The following KCTD3 variants were observed in gnomAD, a reference collection of about 807,000 sequenced individuals.
KCTD3 encodes the protein BTB/POZ domain-containing protein KCTD3.
In KCTD3, 41 loss-of-function variants were observed where a neutral mutation model predicts 85.8. That is an observed-to-expected ratio of 0.48 (90% CI 0.37 to 0.62). The LOEUF (loss-of-function observed/expected upper bound fraction) is 0.62, where lower values mean the gene tolerates loss of function less well. Ranked by LOEUF, KCTD3 falls within the 20% of genes least tolerant of loss-of-function variation. The pLI is 0.00. For synonymous variants in KCTD3, 338 were observed against 345.4 expected, an observed-to-expected ratio of 0.98 and a Z score of 0.24; for missense variants, 724 against 989.9, an observed-to-expected ratio of 0.73 and a Z score of 3.60.
chr1:215,573,486 TG>T (rs1385465658), intron 1 of KCTD3, among the ~76,000 whole-genome samples: 1 of 152,086 alleles, frequency 6.6e-6, no homozygotes, highest in Non-Finnish European at 1.5e-5. Flanking sequence ...AGTTGAGACT[TG>T]GTGTGATGGG....
intron 10 of KCTD3, among the ~76,000 whole-genome samples, chr1:215,601,062 C>T (rs1364358022): frequency 5.9e-5 from 9 of 152,086 alleles, no homozygotes; most frequent in South Asian, 4.1e-4. Flanking sequence ...CTCAGCCTCC[C>T]GAGCAGCCGG....
chr1:215,585,749 G>A (rs1483074689), intron 8 of KCTD3, among the ~76,000 whole-genome samples: 1 of 152,082 alleles, frequency 6.6e-6, no homozygotes, highest in Non-Finnish European at 1.5e-5. Context: ...AATTCAGATA[G>A]GGCAGAAAGA....
At chr1:215,581,517 G>C (rs1438525733) in intron 8 of KCTD3, among the ~76,000 whole-genome samples, 2 of 152,130 alleles carry the variant, frequency 1.3e-5, no homozygotes, top group Non-Finnish European at 2.9e-5. Flanking sequence ...GAAATGATAA[G>C]TGATCCAAGT....
At position 215,574,102 on chromosome 1, in the gene KCTD3, G is replaced by A. The variant is rs756673299; in HGVS notation, c.167G>A (p.Arg56Gln). The stretch of plus-strand genomic sequence containing the variant: ...CTGAGTGGGAGAATTTCAACACTTC[G>A]AGATGAAACTGGTGCTGTGAGTATA... Reference protein sequence around the residue: ...SLLSGRISTLRDETGAIFIDR... With the variant: ...SLLSGRISTLQDETGAIFIDR... Residue 56 changes from arginine (R) to glutamine (Q), a missense_variant, in exon 3 of 18, where the codon CGA becomes CAA. Physicochemically the swap from Arg to Gln is conservative, Grantham distance 43. Around this residue, in one of 6 missense-constraint regions of KCTD3, gnomAD observed 97 missense variants for 115.7 expected, o/e 0.84. Transcript: ENST00000259154. 4.5e-5 allele frequency: 72 copies of A among 1,583,946 alleles called. No homozygotes were observed. The highest frequency in any genetic ancestry group is 5.9e-5 in the Non-Finnish European group (68 of 1,159,120).
At chr1:215,614,443 A>G (rs1655356510) in intron 15 of KCTD3, among the ~76,000 whole-genome samples, 1 of 152,196 alleles carries the variant, frequency 6.6e-6, no homozygotes, top group Non-Finnish European at 1.5e-5. Flanking sequence ...AATTCTTTCT[A>G]TCCATGGTCA....
intron 10 of KCTD3, 110 bp downstream of exon 10, chr1:215,595,581 A>AT: frequency 1.5e-6 from 1 of 651,436 alleles, no homozygotes; most frequent in Non-Finnish European, 2.6e-6. Flanking sequence ...GGTTATACAA[A>AT]TATTGAATAA....
chr1:215,620,800 G>A lies in KCTD3; in HGVS notation c.*182G>A. The A allele has an allele frequency of 2.0e-6, 1 of 507,976 alleles. No homozygotes were observed. Among genetic ancestry groups the A allele is most frequent in the Non-Finnish European group, 3.4e-6 (1 of 294,532 alleles). The allele number at this position is 507,976 out of a possible 1,614,324, so 31.5% of individuals were successfully genotyped here. On this transcript the variant is annotated 3_prime_UTR_variant, in exon 18 of 18. Transcript: ENST00000259154. ...ATAATCATATCTCTTTTGACATTTTGGAAATTTTTTTAATTTTACAAGTAC... is the reference window on the plus strand; with the variant it reads ...ATAATCATATCTCTTTTGACATTTTAGAAATTTTTTTAATTTTACAAGTAC...
chr1:215,568,197 G>A (rs940484696), intron 1 of KCTD3, among the ~76,000 whole-genome samples: 8 of 152,120 alleles, frequency 5.3e-5, no homozygotes, highest in Non-Finnish European at 7.4e-5. Flanking sequence ...ACGAGGTGTC[G>A]GTTTTCTTAG....
At chr1:215,602,268 A>AC in intron 12 of KCTD3, 67 bp downstream of exon 12, 1 of 773,006 alleles carries the variant, frequency 1.3e-6, no homozygotes, top group Non-Finnish European at 2.2e-6. Context: ...TTATTATGTG[A>AC]CTAGGTCAAA....
intron 1 of KCTD3, among the ~76,000 whole-genome samples, chr1:215,569,526 T>C (rs1371897102): frequency 1.3e-5 from 2 of 151,984 alleles, no homozygotes; most frequent in African/African-American, 4.8e-5. Flanking sequence ...CTGAGTGAAC[T>C]CTTATTAGAG....
At chr1:215,573,956 T>G in intron 2 of KCTD3, 117 bp downstream of exon 2, 1 of 974,938 alleles carries the variant, frequency 1.0e-6, no homozygotes, top group South Asian at 1.8e-5. Flanking sequence ...TTATATATTT[T>G]TGAACTTGGA....
chr1:215,588,878 C>T (rs1660116938), intron 9 of KCTD3, among the ~76,000 whole-genome samples: 1 of 152,284 alleles, frequency 6.6e-6, no homozygotes, highest in African/African-American at 2.4e-5. Context: ...TGAAGAGTTA[C>T]TGTATTATTG....
At chr1:215,602,721 T>C (rs1160526794) in intron 12 of KCTD3, among the ~76,000 whole-genome samples, 1 of 152,164 alleles carries the variant, frequency 6.6e-6, no homozygotes, top group Non-Finnish European at 1.5e-5. Context: ...TTTTGTATTC[T>C]GGAGTAAAAG....
At chr1:215,586,434 G>T (rs2102570042) in intron 8 of KCTD3, 61 bp from the exon 9 acceptor site, 1 of 1,307,972 alleles carries the variant, frequency 7.6e-7, no homozygotes, top group Non-Finnish European at 1.1e-6. Flanking sequence ...GTGCATTGAT[G>T]TGTATTCCGT....
intron 13 of KCTD3, 60 bp downstream of exon 13, chr1:215,604,362 G>T: frequency 1.5e-6 from 2 of 1,314,652 alleles, no homozygotes; most frequent in Non-Finnish European, 2.1e-6. Context: ...TTCATTAAAA[G>T]AATGAAAACG....
chr1:215,620,438 A>C lies in KCTD3; in HGVS notation c.2268A>C (p.Lys756Asn). Reference protein sequence around the residue: ...ENENKIEFRKKGGFEGGGFLG... With the variant: ...ENENKIEFRKNGGFEGGGFLG... ...AAAATAAAATAGAGTTTAGGAAGAA[A>C]GGAGGATTTGAAGGGGGAGGATTCC... Residue 756 changes from lysine to asparagine, a missense_variant, in exon 18 of 18, where the codon AAA becomes AAC. Physicochemically the swap from Lys to Asn is moderately conservative, Grantham distance 94 (BLOSUM62 0). Around this residue, in one of 6 missense-constraint regions of KCTD3, gnomAD observed 222 missense variants for 217.7 expected, o/e 1.02. Coordinates refer to ENST00000259154, the MANE Select transcript of KCTD3 (RefSeq NM_016121.5). 2 of 1,613,774 alleles carry C rather than the reference A, an allele frequency of 1.2e-6. No homozygotes were observed. The highest frequency in any genetic ancestry group is 1.7e-6 in the Non-Finnish European group (2 of 1,179,780).
chr1:215,580,973 G>A (rs1234245159), intron 8 of KCTD3: 2 of 467,160 alleles, frequency 4.3e-6, no homozygotes, highest in Non-Finnish European at 8.9e-6. Context: ...TGTTTTAAGA[G>A]TGTTTTGGCT....
chr1:215,567,733 C>T lies in KCTD3; in HGVS notation c.48C>T (p.Ser16=). 3 of 1,244,060 alleles carry T rather than the reference C, an allele frequency of 2.4e-6. 1 individual carries two copies. The highest frequency in any genetic ancestry group is 8.2e-5 in the South Asian group (2 of 24,412). 77.1% of individuals were successfully genotyped at this position (1,244,060 alleles called of 1,614,324 possible). A position where few individuals can be genotyped will look rare whatever the true frequency, so the allele number is the denominator to read the frequency against. ...CGSFPAAAAG[S]GEIVQLNVGG... Reference sequence around the variant, plus strand: ...GCTTCCCCGCGGCGGCGGCCGGCAGCGGCGAGATCGTCCAACTGAACGTAG... The same window carrying T: ...GCTTCCCCGCGGCGGCGGCCGGCAGTGGCGAGATCGTCCAACTGAACGTAG... Residue 16 remains serine (S), a synonymous_variant, in exon 1 of 18, where the codon AGC becomes AGT. Coordinates refer to ENST00000259154, the MANE Select transcript of KCTD3 (RefSeq NM_016121.5).
chr1:215,580,313 G>A (rs1434081192), intron 8 of KCTD3, among the ~76,000 whole-genome samples: 1 of 152,154 alleles, frequency 6.6e-6, no homozygotes. Flanking sequence ...ATATAATGAT[G>A]TTAGACAGGA....
Sources: gnomAD v4.1 joint callset for allele counts (sites outside exome capture counted in the v4.1 genomes callset) on GRCh38, gnomAD v4.1.1 for gene constraint, gnomAD v4.1.1 regional missense constraint, MANE v1.5 for transcripts, NCBI Gene and HGNC (gene_info 2026-07-23, HGNC 2026-07-21) for gene names.